UNC13B: variants seen among roughly 807,000 people sequenced by gnomAD.
UNC13B encodes unc-13 homolog B, also known as protein unc-13 homolog B.
A neutral mutation model predicts 211.0 loss-of-function variants in UNC13B; 144 were observed. That is an observed-to-expected ratio of 0.68 (90% CI 0.60 to 0.78). The LOEUF (loss-of-function observed/expected upper bound fraction) is 0.78, where lower values mean the gene tolerates loss of function less well. UNC13B is among the 30% of genes least tolerant of loss of function. UNC13B has a pLI of 0.00. For synonymous variants in UNC13B, 709 were observed against 725.8 expected, an observed-to-expected ratio of 0.98 and a Z score of 0.37; for missense variants, 1,777 against 2,002.0, an observed-to-expected ratio of 0.89 and a Z score of 2.14.
At chr9:35,180,468 T>C (rs148900577) in intron 1 of UNC13B, among the ~76,000 whole-genome samples, 2 of 152,306 alleles carry the variant, frequency 1.3e-5, no homozygotes, top group East Asian at 1.9e-4. Flanking sequence ...CATCAGATTT[T>C]AATACAATTT....
chr9:35,379,604 T>C (rs1483555559), intron 17 of UNC13B, among the ~76,000 whole-genome samples: 1 of 152,230 alleles, frequency 6.6e-6, no homozygotes, highest in East Asian at 1.9e-4. Context: ...AACTAGCTCT[T>C]GGTCATTTTT....
chr9:35,358,775 C>A lies in UNC13B; in HGVS notation c.9415-8172C>A, dbSNP rs1833204799. Among the ~76,000 whole-genome samples the A allele has an allele frequency of 2.0e-5, 3 of 148,298 alleles. No individual in the cohort carries two copies. In the Admixed American group the frequency reaches 2.0e-4, roughly 10 times the overall value. ...GTGGCGTGATTTCGGCTCACAGCAA[C>A]CTCCGCCTCCTGAGTTCGAGCAATT... On this transcript the variant is annotated intron_variant, in intron 11 of 39. Coordinates refer to ENST00000635942, the MANE Select transcript of UNC13B (RefSeq NM_001371189.2).
chr9:35,403,171 T>A lies in UNC13B; in HGVS notation c.12489T>A (p.Ser4163=). ...TFVRSQTTQG[S]GVDDPVGEVS... ...ATCTCTCCATTTGTCCCTCAGGGTC[T>A]GGTGTGGACGATCCTGTGGGAGAAG... Residue 4163 remains serine, a synonymous_variant, in exon 38 of 40, where the codon TCT becomes TCA. Transcript: ENST00000635942. 1 of 1,614,010 alleles carries A rather than the reference T, an allele frequency of 6.2e-7. No homozygotes were observed. Among genetic ancestry groups the A allele is most frequent in the Non-Finnish European group, 8.5e-7 (1 of 1,179,870 alleles).
chr9:35,226,985 T>C (rs773691856), intron 1 of UNC13B, among the ~76,000 whole-genome samples: 1 of 152,236 alleles, frequency 6.6e-6, no homozygotes, highest in Non-Finnish European at 1.5e-5. Flanking sequence ...CAATTAGTAA[T>C]TGCAGAGCTT....
At chr9:35,189,296 T>A (rs1822523112) in intron 1 of UNC13B, among the ~76,000 whole-genome samples, 1 of 152,242 alleles carries the variant, frequency 6.6e-6, no homozygotes, top group Non-Finnish European at 1.5e-5. Flanking sequence ...TAAGTGTTTT[T>A]AATTATGTAC....
intron 6 of UNC13B, among the ~76,000 whole-genome samples, chr9:35,255,555 G>C (rs1587479539): frequency 6.6e-6 from 1 of 152,114 alleles, no homozygotes; most frequent in South Asian, 2.1e-4. Flanking sequence ...TAGGGGTTTG[G>C]GAAGTGGGGA....
At chr9:35,351,838 C>G in intron 11 of UNC13B, 1 of 1,232,228 alleles carries the variant, frequency 8.1e-7, no homozygotes, top group Non-Finnish European at 1.0e-6. Context: ...CCTCATCTGT[C>G]AGCATTACCA....
chr9:35,323,576 A>G (rs1178207977), intron 11 of UNC13B, among the ~76,000 whole-genome samples: 2 of 152,212 alleles, frequency 1.3e-5, no homozygotes, highest in Non-Finnish European at 2.9e-5. Context: ...ATGCTGTGAG[A>G]CAACCCTTGT....
chr9:35,190,956 ATTTTCTT>A (rs1258001516), intron 1 of UNC13B, among the ~76,000 whole-genome samples: 1 of 151,996 alleles, frequency 6.6e-6, no homozygotes, highest in South Asian at 2.1e-4. Flanking sequence ...TGTACAAGGT[ATTTTCTT>A]TTTTCTTTTT....
At chr9:35,229,667 A>G (rs1564080367) in intron 2 of UNC13B, among the ~76,000 whole-genome samples, 1 of 111,442 alleles carries the variant, frequency 9.0e-6, no homozygotes, top group African/African-American at 3.4e-5. Context: ...GTAATATAAA[A>G]CATAGCTCAG....
rs771219656 is a variant in UNC13B at position 35,301,573 on chromosome 9, C to T, written c.2169C>T (p.Pro723=). The T allele has an allele frequency of 7.5e-6, 3 of 398,830 alleles. No individual in the cohort carries two copies. The highest frequency in any genetic ancestry group is 4.4e-5 in the Admixed American group (1 of 22,698). The allele number at this position is 398,830 out of a possible 1,614,324, so 24.7% of individuals were successfully genotyped here. ...AAACTACGGGCTGGTTCCAGATGCCCACAAGTGAGAATTTGTTGTCCTCCC... is the reference window on the plus strand; with the variant it reads ...AAACTACGGGCTGGTTCCAGATGCCTACAAGTGAGAATTTGTTGTCCTCCC... ...DEETTGWFQM[P]TSENLLSSQV... is the part of the protein sequence containing the mutation. Residue 723 remains proline (P), a synonymous_variant, in exon 9 of 40, where the codon CCC becomes CCT. Coordinates refer to ENST00000635942, the MANE Select transcript of UNC13B (RefSeq NM_001371189.2).
At chr9:35,279,986 G>A (rs1828394144) in intron 7 of UNC13B, among the ~76,000 whole-genome samples, 1 of 152,028 alleles carries the variant, frequency 6.6e-6, no homozygotes, top group Non-Finnish European at 1.5e-5. Flanking sequence ...CTGATTTTCT[G>A]ATTCCCCAAA....
chr9:35,184,524 A>T (rs1822223200), intron 1 of UNC13B, among the ~76,000 whole-genome samples: 2 of 152,184 alleles, frequency 1.3e-5, no homozygotes, highest in Non-Finnish European at 2.9e-5. Flanking sequence ...CCCGGTCAAC[A>T]GGGCGAAACC....
At chr9:35,402,628 T>A (rs1836398219) in intron 37 of UNC13B, among the ~76,000 whole-genome samples, 1 of 152,058 alleles carries the variant, frequency 6.6e-6, no homozygotes, top group Non-Finnish European at 1.5e-5. Flanking sequence ...GGGGAGCCTG[T>A]AGATTGGCTC....
rs887866136 is a variant in UNC13B, at chr9:35,305,571, G to A, written c.6167G>A (p.Arg2056Lys). 6 of 398,804 alleles carry A rather than the reference G, an allele frequency of 1.5e-5. No homozygotes were observed. The highest frequency in any genetic ancestry group is 2.2e-5 in the Non-Finnish European group (5 of 226,008). 24.7% of individuals were successfully genotyped at this position (398,804 alleles called of 1,614,324 possible). A position where few individuals can be genotyped will look rare whatever the true frequency, so the allele number is the denominator to read the frequency against. Residue 2056 changes from arginine to lysine, a missense_variant, in exon 9 of 40, where the codon AGG (arginine) becomes AAG (lysine). Physicochemically the swap from Arg to Lys is conservative, Grantham distance 26 (BLOSUM62 2). Coordinates refer to ENST00000635942, the MANE Select transcript of UNC13B (RefSeq NM_001371189.2). ...AAACAGACTACTATCGATGACAGTA[G>A]GTTAGAGGAATCAACTAGAGGGATC... is the stretch of plus-strand genomic sequence containing the variant. ...LNKQTTIDDS[R>K]LEESTRGIQG...
At chr9:35,216,211 T>C (rs1326846457) in intron 1 of UNC13B, among the ~76,000 whole-genome samples, 1 of 152,212 alleles carries the variant, frequency 6.6e-6, no homozygotes, top group Non-Finnish European at 1.5e-5. Context: ...TCAGTAAGCA[T>C]TCATGATAAA....
intron 11 of UNC13B, among the ~76,000 whole-genome samples, chr9:35,332,045 G>T (rs985545978): frequency 6.6e-6 from 1 of 151,238 alleles, no homozygotes; most frequent in Non-Finnish European, 1.5e-5. Flanking sequence ...GCAATGGTGC[G>T]ATCTCAGCTC....
intron 7 of UNC13B, among the ~76,000 whole-genome samples, chr9:35,272,699 C>T (rs1307784499): frequency 3.3e-5 from 5 of 152,242 alleles, no homozygotes; most frequent in Middle Eastern, 6.8e-3. Context: ...ATTGTAGATT[C>T]ACTTTTTTAG....
At chr9:35,395,731 A>C (rs1835828460) in intron 26 of UNC13B, among the ~76,000 whole-genome samples, 1 of 152,186 alleles carries the variant, frequency 6.6e-6, no homozygotes, top group South Asian at 2.1e-4. Context: ...TCTTTGTCTT[A>C]GATTTTCCAG....
Sources: allele counts gnomAD v4.1 joint callset (sites outside exome capture counted in the v4.1 genomes callset), GRCh38; gene constraint gnomAD v4.1.1; transcripts MANE v1.5; gene names NCBI Gene and HGNC (gene_info 2026-07-23, HGNC 2026-07-21).